Variants in ZNF521 observed in about 807,000 individuals in gnomAD.
ZNF521 encodes the protein zinc finger protein 521, also known as LYST-interacting protein 3.
ZNF521 carries 14 observed loss-of-function variants against 105.5 expected under a neutral mutation model. That is an observed-to-expected ratio of 0.13 (90% CI 0.09 to 0.21). The LOEUF (loss-of-function observed/expected upper bound fraction) is 0.21. Among genes scored for constraint, ZNF521 ranks in the 10% least tolerant of loss-of-function variants. The pLI is 1.00. For synonymous variants in ZNF521, 635 were observed against 606.0 expected, an observed-to-expected ratio of 1.05 and a Z score of -0.70; for missense variants, 1,233 against 1,629.7, an observed-to-expected ratio of 0.76 and a Z score of 4.19.
At position 25,168,576 on chromosome 18, in the gene ZNF521, T is replaced by C. The variant is rs74358887; in HGVS notation, c.3658+26584A>G. Among the ~76,000 whole-genome samples the C allele has an allele frequency of 5.1e-3, 783 of 152,106 alleles. 9 individuals carry two copies. Among genetic ancestry groups the C allele is most frequent in the African/African-American group, 0.017 (724 of 41,506 alleles). On this transcript the variant is annotated intron_variant, in intron 5 of 7. Coordinates refer to ENST00000361524, the MANE Select transcript of ZNF521 (RefSeq NM_015461.3). ...AACTGCAAAACCTTGATTTTAAATA[T>C]AGGGGAAGAAGGGGAGAAGACAGTT...
At chr18:25,190,533 T>C (rs2035800393) in intron 5 of ZNF521, among the ~76,000 whole-genome samples, 1 of 152,164 alleles carries the variant, frequency 6.6e-6, no homozygotes, top group South Asian at 2.1e-4. Context: ...TAAACTACTA[T>C]GAACCTCAAA....
In ZNF521 at chr18:25,111,378, G is replaced by A. The variant is rs139659556; in HGVS notation, c.3659-19297C>T. ...TCATTGTAACCTCTAGAAACCAGAC[G>A]ATATTAGAAGTCATTGTGTTTAACG... is the stretch of plus-strand genomic sequence containing the variant. On this transcript the variant is annotated intron_variant, in intron 5 of 7. Coordinates refer to ENST00000361524, the MANE Select transcript of ZNF521 (RefSeq NM_015461.3). Among the ~76,000 whole-genome samples the A allele has an allele frequency of 4.6e-3, 707 of 152,264 alleles. 7 individuals are homozygous for A. Among genetic ancestry groups the A allele is most frequent in the African/African-American group, 0.015 (634 of 41,550 alleles).
At position 25,068,823 on chromosome 18, in the gene ZNF521, A is replaced by G. The variant is rs527725480; in HGVS notation, c.3907-6082T>C. Reference sequence around the variant, plus strand: ...TCCTTCCCCGTTCCCAGAAGCATATACTGTACGTGACTTAAAATGCTAGAA... The same window carrying G: ...TCCTTCCCCGTTCCCAGAAGCATATGCTGTACGTGACTTAAAATGCTAGAA... On this transcript the variant is annotated intron_variant, in intron 7 of 7. Transcript: ENST00000361524. Among the ~76,000 whole-genome samples the G allele has an allele frequency of 4.6e-5, 7 of 152,324 alleles. No individual in the cohort carries two copies. In the South Asian group the frequency reaches 1.0e-3, roughly 23 times the overall value.
chr18:25,146,576 A>G (rs1412199798), intron 5 of ZNF521, among the ~76,000 whole-genome samples: 4 of 152,216 alleles, frequency 2.6e-5, no homozygotes, highest in Non-Finnish European at 5.9e-5. Context: ...TTTTCAAAAA[A>G]AGCCCCCCAT....
chr18:25,087,982 C>T (rs1328235050), intron 7 of ZNF521, among the ~76,000 whole-genome samples: 1 of 152,102 alleles, frequency 6.6e-6, no homozygotes, highest in Non-Finnish European at 1.5e-5. Flanking sequence ...ACATAAATCT[C>T]GTTTCATCAG....
intron 3 of ZNF521, among the ~76,000 whole-genome samples, chr18:25,238,157 C>T (rs1477142923): frequency 6.6e-6 from 1 of 152,130 alleles, no homozygotes; most frequent in Non-Finnish European, 1.5e-5. Context: ...CCAAACTCTC[C>T]TCCACTAAAA....
chr18:25,306,035 G>A (rs963990278), intron 3 of ZNF521, among the ~76,000 whole-genome samples: 11 of 152,116 alleles, frequency 7.2e-5, no homozygotes, highest in Non-Finnish European at 5.9e-5. Context: ...AACCAGCTTT[G>A]GGAGAACTGA....
chr18:25,231,861 C>A (rs1334603608), intron 3 of ZNF521, among the ~76,000 whole-genome samples: 1 of 152,170 alleles, frequency 6.6e-6, no homozygotes, highest in Non-Finnish European at 1.5e-5. Context: ...TGAAATTATT[C>A]AAGAGAAACT....
intron 5 of ZNF521, among the ~76,000 whole-genome samples, chr18:25,127,391 T>A (rs2034557797): frequency 6.6e-6 from 1 of 151,970 alleles, no homozygotes; most frequent in Non-Finnish European, 1.5e-5. Flanking sequence ...ACTTACTATA[T>A]GCCCAGCATA....
intron 5 of ZNF521, among the ~76,000 whole-genome samples, chr18:25,117,090 C>A (rs67068305): frequency 0.49 from 68,872 of 141,946 alleles, 17,533 homozygotes; most frequent in South Asian, 0.62. Flanking sequence ...CACATACACA[C>A]ATCCTTAATT....
At position 25,291,739 on chromosome 18, in the gene ZNF521, G is replaced by A. The variant is rs144593867; in HGVS notation, c.220+30269C>T. Among the ~76,000 whole-genome samples, 532 of 152,102 alleles carry A rather than the reference G, an allele frequency of 3.5e-3. 3 individuals carry two copies. The highest frequency in any genetic ancestry group is 0.012 in the African/African-American group (502 of 41,476). On this transcript the variant is annotated intron_variant, in intron 3 of 7. Transcript: ENST00000361524. The stretch of plus-strand genomic sequence containing the variant: ...GCCAAGCCCTCGGCATACTATATTT[G>A]CAATTATTTATACAACATAAGCCTC...
At chr18:25,164,883 A>G (rs1486268869) in intron 5 of ZNF521, among the ~76,000 whole-genome samples, 1 of 152,232 alleles carries the variant, frequency 6.6e-6, no homozygotes, top group African/African-American at 2.4e-5. Context: ...TATAAATGCA[A>G]TACACCTGGA....
intron 7 of ZNF521, among the ~76,000 whole-genome samples, chr18:25,078,392 A>G (rs1477501617): frequency 1.3e-5 from 2 of 152,220 alleles, no homozygotes; most frequent in South Asian, 4.1e-4. Context: ...CTTTCACCCA[A>G]GAAAACCTGG....
intron 4 of ZNF521, among the ~76,000 whole-genome samples, chr18:25,222,737 G>A (rs920281187): frequency 3.9e-5 from 6 of 152,200 alleles, no homozygotes; most frequent in Admixed American, 3.3e-4. Flanking sequence ...TTAAAAATAT[G>A]AGACATTTTG....
chr18:25,119,257 C>G (rs1232529966), intron 5 of ZNF521, among the ~76,000 whole-genome samples: 1 of 152,134 alleles, frequency 6.6e-6, no homozygotes, highest in African/African-American at 2.4e-5. Flanking sequence ...CACTAGCTCC[C>G]TGCCCCCGCC....
intron 2 of ZNF521, among the ~76,000 whole-genome samples, chr18:25,341,908 G>C (rs926848599): frequency 4.6e-5 from 7 of 152,270 alleles, no homozygotes; most frequent in African/African-American, 1.7e-4. Context: ...ACTTAGTACA[G>C]TGCCTGGGAT....
rs1175859497 is a variant in ZNF521, at chr18:25,179,116, C to CTTTTTTTTTTTTTTTTTT, written c.3658+16026_3658+16043dup. ...GACTTATACTTCTTTTTCTTTATTC[C>CTTTTTTTTTTTTTTTTTT]TTTTTTTTTTTTTTTTTTTTTTTTT... On this transcript the variant is annotated intron_variant, in intron 5 of 7. Coordinates refer to ENST00000361524, the MANE Select transcript of ZNF521 (RefSeq NM_015461.3). Among the ~76,000 whole-genome samples, 61 of 52,440 alleles carry CTTTTTTTTTTTTTTTTTT rather than the reference C, an allele frequency of 1.2e-3. 12 individuals carry two copies. Among genetic ancestry groups the CTTTTTTTTTTTTTTTTTT allele is most frequent in the Non-Finnish European group, 1.6e-3 (46 of 28,970 alleles). 34.4% of individuals were successfully genotyped at this position (52,440 alleles called of 152,430 possible).
At chr18:25,076,291 T>A (rs1227282006) in intron 7 of ZNF521, among the ~76,000 whole-genome samples, 1 of 152,212 alleles carries the variant, frequency 6.6e-6, no homozygotes, top group Non-Finnish European at 1.5e-5. Flanking sequence ...TTATCCCAGT[T>A]GTTTTTCAGA....
intron 3 of ZNF521, among the ~76,000 whole-genome samples, chr18:25,283,007 T>C (rs1910474213): frequency 6.6e-6 from 1 of 152,198 alleles, no homozygotes; most frequent in Non-Finnish European, 1.5e-5. Context: ...GCATTAAACC[T>C]ACAGAGAATG....
Sources: allele counts gnomAD v4.1 joint callset (sites outside exome capture counted in the v4.1 genomes callset), GRCh38; gene constraint gnomAD v4.1.1; transcripts MANE v1.5; gene names NCBI Gene and HGNC (gene_info 2026-07-23, HGNC 2026-07-21).